The following AMD1 variants were observed in gnomAD, a reference collection of about 807,000 sequenced individuals.
The protein encoded by AMD1 is S-adenosylmethionine decarboxylase proenzyme.
AMD1 carries 11 observed loss-of-function variants against 40.2 expected under a neutral mutation model. The ratio of observed to expected loss-of-function variants is 0.27; its 90% CI spans 0.17 to 0.45. The LOEUF (loss-of-function observed/expected upper bound fraction) is 0.45, where lower values mean the gene tolerates loss of function less well. Among genes scored for constraint, AMD1 ranks in the 20% least tolerant of loss-of-function variants. The pLI, the probability that AMD1 is intolerant of heterozygous loss-of-function variation, is 1.00. For synonymous variants in AMD1, 121 were observed against 130.8 expected (o/e 0.93, Z 0.51); for missense variants, 257 against 410.2 (o/e 0.63, Z 3.23).
chr6:110,880,258 A>G (rs1785330444), intron 1 of AMD1, among the ~76,000 whole-genome samples: 1 of 152,090 alleles, frequency 6.6e-6, no homozygotes, highest in Non-Finnish European at 1.5e-5. Context: ...AGTTGTGTGT[A>G]GGTGTGTCTT....
the AMD1 span, chr6:110,848,779 A>G: frequency 1.3e-5 from 3 of 229,362 alleles, no homozygotes; most frequent in South Asian, 1.8e-4. Flanking sequence ...AAGTGGGAGT[A>G]TTGCTTGAAG....
the AMD1 span, among the ~76,000 whole-genome samples, chr6:110,832,236 A>G: frequency 2.6e-5 from 4 of 151,630 alleles, no homozygotes; most frequent in Non-Finnish European, 4.4e-5. Flanking sequence ...TGAACTCCTG[A>G]CCGCATGATC....
the AMD1 span, chr6:110,864,051 C>T: frequency 3.9e-6 from 1 of 253,774 alleles, no homozygotes; most frequent in Non-Finnish European, 7.8e-6. Flanking sequence ...CCTTTGCCTC[C>T]TGGGTTCAAG....
At chr6:110,829,169 T>G in the AMD1 span, among the ~76,000 whole-genome samples, 1 of 151,136 alleles carries the variant, frequency 6.6e-6, no homozygotes, top group Non-Finnish European at 1.5e-5. Flanking sequence ...AAACTCCGTC[T>G]CAAACAAACA....
At chr6:110,868,104 T>C in the AMD1 span, among the ~76,000 whole-genome samples, 1 of 151,950 alleles carries the variant, frequency 6.6e-6, no homozygotes, top group Non-Finnish European at 1.5e-5. Flanking sequence ...GAGTTACAGG[T>C]GTGAGCCACC....
chr6:110,865,059 C>T, the AMD1 span, among the ~76,000 whole-genome samples: 2 of 152,162 alleles, frequency 1.3e-5, no homozygotes, highest in Non-Finnish European at 2.9e-5. Flanking sequence ...AGGAGAAAGA[C>T]CTTGCTTTGG....
chr6:110,819,036 A>G, the AMD1 span, among the ~76,000 whole-genome samples: 15 of 152,294 alleles, frequency 9.8e-5, no homozygotes, highest in African/African-American at 3.6e-4. Context: ...TGAGACTAGC[A>G]AAGAAGCTAT....
chr6:110,883,308 A>G (rs1785502850), intron 1 of AMD1, among the ~76,000 whole-genome samples: 1 of 152,308 alleles, frequency 6.6e-6, no homozygotes, highest in Non-Finnish European at 1.5e-5. Context: ...CTGAACCAGC[A>G]GTGAATTTCC....
At chr6:110,836,353 A>G in the AMD1 span, among the ~76,000 whole-genome samples, 53 of 152,326 alleles carry the variant, frequency 3.5e-4, no homozygotes, top group African/African-American at 1.2e-3. Context: ...ATAACCTTTC[A>G]GTGGGCTACA....
At chr6:110,846,628 T>C in the AMD1 span, among the ~76,000 whole-genome samples, 1 of 152,142 alleles carries the variant, frequency 6.6e-6, no homozygotes, top group African/African-American at 2.4e-5. Context: ...TCCCAGCACT[T>C]TGGGAGCCTG....
chr6:110,865,992 A>T, the AMD1 span, among the ~76,000 whole-genome samples: 2 of 151,794 alleles, frequency 1.3e-5, no homozygotes, highest in Non-Finnish European at 2.9e-5. Context: ...CGAACTCCTG[A>T]CCTCAGGTGA....
At position 110,893,742 on chromosome 6, in the gene AMD1, A is replaced by C; in HGVS notation, c.*126A>C. On this transcript the variant is annotated 3_prime_UTR_variant, in exon 9 of 9. Coordinates refer to ENST00000368885, the MANE Select transcript of AMD1 (RefSeq NM_001634.6). ...ACTGTGTAGTTGCAGAAAGCCCTAG[A>C]TGTAATGATAGTGTAATCATTTTGA... is the stretch of plus-strand genomic sequence containing the variant. The C allele has an allele frequency of 9.7e-7, 1 of 1,033,760 alleles. No individual in the cohort carries two copies. The highest frequency in any genetic ancestry group is 1.4e-6 in the Non-Finnish European group (1 of 723,550). 64.0% of individuals were successfully genotyped at this position (1,033,760 alleles called of 1,614,324 possible).
At chr6:110,879,314 A>G (rs1259333337) in intron 1 of AMD1, among the ~76,000 whole-genome samples, 1 of 152,228 alleles carries the variant, frequency 6.6e-6, no homozygotes, top group African/African-American at 2.4e-5. Flanking sequence ...AGATTGCACC[A>G]GTGCGCTCCA....
At chr6:110,882,710 A>G (rs952171575) in intron 1 of AMD1, among the ~76,000 whole-genome samples, 1 of 152,212 alleles carries the variant, frequency 6.6e-6, no homozygotes, top group Admixed American at 6.5e-5. Context: ...TAGGTTGCTT[A>G]AAGTAATTGC....
At chr6:110,890,461 C>T (rs1022516088) in intron 4 of AMD1, 105 bp downstream of exon 4, 4 of 820,814 alleles carry the variant, frequency 4.9e-6, no homozygotes, top group Non-Finnish European at 7.9e-6. Flanking sequence ...TAGCATTCTA[C>T]ACACACTAAT....
At chr6:110,836,372 A>G in the AMD1 span, among the ~76,000 whole-genome samples, 1 of 152,204 alleles carries the variant, frequency 6.6e-6, no homozygotes, top group Non-Finnish European at 1.5e-5. Flanking sequence ...CACTGGAGCC[A>G]TGTAACAGAA....
chr6:110,830,774 C>T, the AMD1 span, among the ~76,000 whole-genome samples: 2 of 152,116 alleles, frequency 1.3e-5, no homozygotes, highest in African/African-American at 2.4e-5. Context: ...CAGGCTAAGC[C>T]CCAGTTTGGG....
In AMD1 at chr6:110,893,636, A is replaced by G. The variant is rs1389070683; in HGVS notation, c.*20A>G. 1 of 1,608,804 alleles carries G rather than the reference A, an allele frequency of 6.2e-7. No individual in the cohort carries two copies. Among genetic ancestry groups the G allele is most frequent in the Non-Finnish European group, 8.5e-7 (1 of 1,179,494 alleles). On this transcript the variant is annotated 3_prime_UTR_variant, in exon 9 of 9. Transcript: ENST00000368885. ...AGTTGATTAAGAAAAATGAAGAAAA[A>G]ACGCAAAAAGAGAACACATGTAGAA...
At chr6:110,814,761 G>A in the AMD1 span, 3 of 649,490 alleles carry the variant, frequency 4.6e-6, no homozygotes, top group East Asian at 3.1e-5. Context: ...CTCGGAGGGC[G>A]CCCCTCTGGG....
Sources: gnomAD v4.1 joint callset for allele counts (sites outside exome capture counted in the v4.1 genomes callset) on GRCh38, gnomAD v4.1.1 for gene constraint, MANE v1.5 for transcripts, NCBI Gene and HGNC (gene_info 2026-07-23, HGNC 2026-07-21) for gene names.